Variants in CLSTN2 observed in about 807,000 individuals in gnomAD.
CLSTN2 encodes the protein calsyntenin 2.
A neutral mutation model predicts 101.2 loss-of-function variants in CLSTN2; 48 were observed. The observed-to-expected ratio is 0.47, with a 90% CI of 0.38 to 0.60. CLSTN2 has a LOEUF of 0.60. Ranked by LOEUF, CLSTN2 falls within the 20% of genes least tolerant of loss-of-function variation. The pLI is 0.00. For missense variants in CLSTN2, 1,160 were observed against 1,238.2 expected (o/e 0.94, Z 0.95); for synonymous variants, 481 against 463.6 (o/e 1.04, Z -0.48).
rs534249239 is a variant in CLSTN2, at chr3:140,045,118, C to G, written c.109+109635C>G. 7.9e-5 allele frequency among the ~76,000 whole-genome samples: 12 copies of G among 152,256 alleles called. No homozygotes were observed. In the East Asian group the frequency reaches 2.3e-3, roughly 29 times the overall value. ...TCAGAAGGAATGGTACCAGCTCCTC[C>G]TTGTACCTCTGGTAGAATTCGGCTG... On this transcript the variant is annotated intron_variant, in intron 1 of 16. Transcript: ENST00000458420.
chr3:140,294,689 C>T (rs1022022872), intron 2 of CLSTN2, among the ~76,000 whole-genome samples: 1 of 152,032 alleles, frequency 6.6e-6, no homozygotes, highest in Non-Finnish European at 1.5e-5. Flanking sequence ...TTTTCTTTCT[C>T]TTCCCCTCTC....
chr3:140,466,590 A>G lies in CLSTN2; in HGVS notation c.1223-20A>G. The G allele has an allele frequency of 5.0e-6, 8 of 1,613,960 alleles. No individual in the cohort carries two copies. Among genetic ancestry groups the G allele is most frequent in the Non-Finnish European group, 6.8e-6 (8 of 1,179,930 alleles). On this transcript the variant is annotated intron_variant, in intron 7 of 16. Transcript: ENST00000458420. ...ACACAGGGGTTCTCTCACTCTTCAA[A>G]CCTTCTTTCTGCTTTTCAGAAATGA...
At chr3:139,975,195 G>T (rs1820411) in intron 1 of CLSTN2, among the ~76,000 whole-genome samples, 83,759 of 152,026 alleles carry the variant, frequency 0.55, 26,633 homozygotes, top group Middle Eastern at 0.76. Flanking sequence ...GCCCTAAGGA[G>T]GGGGAGTAGC....
chr3:139,960,248 T>G (rs1031854147), intron 1 of CLSTN2, among the ~76,000 whole-genome samples: 2 of 152,252 alleles, frequency 1.3e-5, no homozygotes, highest in Non-Finnish European at 2.9e-5. Flanking sequence ...TTTGTTCCTG[T>G]GAGGTGAGCC....
intron 2 of CLSTN2, among the ~76,000 whole-genome samples, chr3:140,370,999 C>T (rs2087850220): frequency 6.6e-6 from 1 of 152,162 alleles, no homozygotes; most frequent in African/African-American, 2.4e-5. Context: ...GTGATTTCTG[C>T]AGAGTTTGAG....
chr3:140,143,958 A>G (rs1216152925), intron 1 of CLSTN2, among the ~76,000 whole-genome samples: 1 of 152,198 alleles, frequency 6.6e-6, no homozygotes. Context: ...CTGACAACTT[A>G]ATAGATGTCT....
intron 2 of CLSTN2, among the ~76,000 whole-genome samples, chr3:140,292,209 C>G (rs777275950): frequency 6.6e-6 from 1 of 152,188 alleles, no homozygotes; most frequent in Admixed American, 6.5e-5. Flanking sequence ...TCTCACCTCT[C>G]TCCATTCCTC....
chr3:140,435,749 G>A (rs929820887), intron 5 of CLSTN2, among the ~76,000 whole-genome samples: 1 of 152,074 alleles, frequency 6.6e-6, no homozygotes, highest in African/African-American at 2.4e-5. Flanking sequence ...CTGTCTTTTG[G>A]ATATGGGCCA....
intron 7 of CLSTN2, chr3:140,461,246 C>T (rs1010365165): frequency 6.6e-6 from 1 of 152,122 alleles, no homozygotes; most frequent in African/African-American, 2.4e-5. Context: ...AAGTCAGTGC[C>T]AAGGACAGGT....
At chr3:140,236,284 C>T (rs1172783039) in intron 2 of CLSTN2, among the ~76,000 whole-genome samples, 1 of 152,074 alleles carries the variant, frequency 6.6e-6, no homozygotes, top group Non-Finnish European at 1.5e-5. Flanking sequence ...TTAAACTGTA[C>T]TTTAAAGATG....
chr3:140,516,734 C>G (rs1000403595), intron 8 of CLSTN2, among the ~76,000 whole-genome samples: 1 of 152,134 alleles, frequency 6.6e-6, no homozygotes, highest in Non-Finnish European at 1.5e-5. Flanking sequence ...GACAGGTTAC[C>G]TGATGCTTTT....
At chr3:140,152,834 G>A (rs2009888432) in intron 1 of CLSTN2, among the ~76,000 whole-genome samples, 1 of 152,224 alleles carries the variant, frequency 6.6e-6, no homozygotes, top group Non-Finnish European at 1.5e-5. Context: ...AGTGGAGTTA[G>A]AGATAATCTA....
At chr3:140,520,194 T>C (rs1381739966) in intron 8 of CLSTN2, among the ~76,000 whole-genome samples, 1 of 152,232 alleles carries the variant, frequency 6.6e-6, no homozygotes, top group Non-Finnish European at 1.5e-5. Context: ...TGGGTTTCCC[T>C]TTGTAGGTGA....
intron 1 of CLSTN2, among the ~76,000 whole-genome samples, chr3:140,073,638 G>T (rs1252039546): frequency 6.6e-6 from 1 of 152,248 alleles, no homozygotes; most frequent in African/African-American, 2.4e-5. Context: ...ACTGGCGAGG[G>T]TGGGGCAGGT....
In CLSTN2 at chr3:140,515,281, T is replaced by TATC. The variant is rs776143354; in HGVS notation, c.1345-17041_1345-17039dup. On this transcript the variant is annotated intron_variant, in intron 8 of 16. Coordinates refer to ENST00000458420, the MANE Select transcript of CLSTN2 (RefSeq NM_022131.3). ...TTCTTGGTTAATCTTACTAATTGTCTATCAGTTTTATTTTTTCCCCAAAGA... is the reference window on the plus strand; with the variant it reads ...TTCTTGGTTAATCTTACTAATTGTCTATCATCAGTTTTATTTTTTCCCCAAAGA... 5.4e-5 allele frequency among the ~76,000 whole-genome samples: 8 copies of TATC among 147,664 alleles called. No individual in the cohort carries two copies. The South Asian group carries it at 6.2e-4, about 11-fold the overall frequency.
chr3:139,972,105 A>C (rs1011704445), intron 1 of CLSTN2, among the ~76,000 whole-genome samples: 1 of 152,100 alleles, frequency 6.6e-6, no homozygotes, highest in Non-Finnish European at 1.5e-5. Context: ...CTCTACTAAA[A>C]ATACAAAAAT....
intron 1 of CLSTN2, among the ~76,000 whole-genome samples, chr3:140,131,891 A>T (rs768477155): frequency 2.0e-5 from 3 of 152,134 alleles, no homozygotes; most frequent in Admixed American, 6.5e-5. Flanking sequence ...ATTGACCAGT[A>T]TCTTATCTGA....
chr3:140,134,520 T>A (rs975995465), intron 1 of CLSTN2, among the ~76,000 whole-genome samples: 4 of 152,204 alleles, frequency 2.6e-5, no homozygotes, highest in Non-Finnish European at 5.9e-5. Flanking sequence ...AATTAAGATG[T>A]TACCCATAAA....
chr3:140,249,224 A>T (rs2107874145), intron 2 of CLSTN2, among the ~76,000 whole-genome samples: 1 of 152,264 alleles, frequency 6.6e-6, no homozygotes, highest in Admixed American at 6.5e-5. Flanking sequence ...CTGTCCCTAA[A>T]GTTATTTCTC....
Sources: allele counts gnomAD v4.1 joint callset (sites outside exome capture counted in the v4.1 genomes callset), GRCh38; gene constraint gnomAD v4.1.1; transcripts MANE v1.5; gene names NCBI Gene and HGNC (gene_info 2026-07-23, HGNC 2026-07-21).